Variants in FBXL2 observed in about 807,000 individuals in gnomAD.
The protein encoded by FBXL2 is F-box/LRR-repeat protein 2.
In FBXL2, 38 loss-of-function variants were observed where a neutral mutation model predicts 69.2. The observed-to-expected ratio is 0.55, with a 90% confidence interval of 0.42 to 0.72. The LOEUF is 0.72. Among genes scored for constraint, FBXL2 ranks in the 30% least tolerant of loss-of-function variants. The pLI is 0.00. For missense variants in FBXL2, 354 were observed against 520.3 expected (o/e 0.68, Z 3.11); for synonymous variants, 192 against 201.3 (o/e 0.95, Z 0.39).
chr3:33,333,567 C>G (rs1006008122), intron 2 of FBXL2, among the ~76,000 whole-genome samples: 2 of 152,118 alleles, frequency 1.3e-5, no homozygotes, highest in Non-Finnish European at 2.9e-5. Flanking sequence ...GAGCAGCAGA[C>G]AAGAGGAGGT....
chr3:33,403,854 T>C (rs1448417885), downstream of FBXL2, among the ~76,000 whole-genome samples: 1 of 152,202 alleles, frequency 6.6e-6, no homozygotes, highest in African/African-American at 2.4e-5. Flanking sequence ...TAAAAACCAA[T>C]GGATCTGAGG....
chr3:33,309,126 T>G (rs2036964497), intron 2 of FBXL2, among the ~76,000 whole-genome samples: 1 of 152,182 alleles, frequency 6.6e-6, no homozygotes, highest in Non-Finnish European at 1.5e-5. Flanking sequence ...CAATATTTCC[T>G]TATTGATTTT....
At chr3:33,280,752 C>T (rs1392950804) in intron 1 of FBXL2, among the ~76,000 whole-genome samples, 1 of 149,082 alleles carries the variant, frequency 6.7e-6, no homozygotes, top group Non-Finnish European at 1.5e-5. Flanking sequence ...AAAAAGGCAT[C>T]TAATAATTGT....
At chr3:33,342,396 G>A (rs958865131) in intron 2 of FBXL2, among the ~76,000 whole-genome samples, 13 of 151,248 alleles carry the variant, frequency 8.6e-5, no homozygotes, top group African/African-American at 2.9e-4. Context: ...TGATAAAGAA[G>A]AAAAAACATT....
chr3:33,346,862 A>G (rs1271622205), intron 2 of FBXL2, among the ~76,000 whole-genome samples: 1 of 152,178 alleles, frequency 6.6e-6, no homozygotes, highest in East Asian at 1.9e-4. Context: ...GTAAGCATAT[A>G]TATTTATGGG....
At chr3:33,278,974 C>G (rs1298851339) in intron 1 of FBXL2, among the ~76,000 whole-genome samples, 2 of 152,152 alleles carry the variant, frequency 1.3e-5, no homozygotes, top group African/African-American at 2.4e-5. Context: ...ATCCATTTTC[C>G]TTTATTTTTA....
At chr3:33,346,354 T>A (rs2040435937) in intron 2 of FBXL2, among the ~76,000 whole-genome samples, 1 of 151,898 alleles carries the variant, frequency 6.6e-6, no homozygotes, top group Non-Finnish European at 1.5e-5. Context: ...GCAGGAGGAT[T>A]GTGTGAGATC....
intron 1 of FBXL2, among the ~76,000 whole-genome samples, chr3:33,280,044 T>C (rs1260431554): frequency 6.6e-6 from 1 of 152,218 alleles, no homozygotes; most frequent in African/African-American, 2.4e-5. Context: ...ACTTAAGGTT[T>C]TTGAGCACTT....
intron 11 of FBXL2, 78 bp downstream of exon 11, chr3:33,377,411 T>C: frequency 7.2e-7 from 1 of 1,395,644 alleles, no homozygotes; most frequent in Non-Finnish European, 1.0e-6. Flanking sequence ...TGGTTTTGGG[T>C]GTGCAAAAGA....
At chr3:33,344,460 C>A (rs1473356757) in intron 2 of FBXL2, among the ~76,000 whole-genome samples, 1 of 151,688 alleles carries the variant, frequency 6.6e-6, no homozygotes, top group Non-Finnish European at 1.5e-5. Context: ...TATATTGGAA[C>A]AATACAATGG....
chr3:33,385,671 C>G lies in FBXL2; in HGVS notation c.*63C>G. On this transcript the variant is annotated 3_prime_UTR_variant, in exon 15 of 15. Transcript: ENST00000484457. The stretch of plus-strand genomic sequence containing the variant: ...TTTCCTCTAGAAGACCTGAGTCTTC[C>G]TGACCGACTCCACCATCACCCAATC... The G allele has an allele frequency of 7.9e-7, 1 of 1,269,636 alleles. No homozygotes were observed. The highest frequency in any genetic ancestry group is 1.1e-6 in the Non-Finnish European group (1 of 869,644). The allele number at this position is 1,269,636 out of a possible 1,614,324, so 78.6% of individuals were successfully genotyped here. A position where few individuals can be genotyped will look rare whatever the true frequency, so the allele number is the denominator to read the frequency against.
Position 33,375,366 on chromosome 3 carries a change from A to G in FBXL2, c.736A>G (p.Asn246Asp). The change falls in exon 10 of 15, where the codon AAC (asparagine) becomes GAC (aspartate). Residue 246 changes from asparagine to aspartate, a missense_variant. By Grantham distance (23) the Asn-to-Asp change is conservative. Transcript: ENST00000484457. ...GGCTCTCTGCCTTTCGGGTTGCAGCAACCTCACAGATGCCTCTCTTACAGC... is the reference window on the plus strand; with the variant it reads ...GGCTCTCTGCCTTTCGGGTTGCAGCGACCTCACAGATGCCTCTCTTACAGC... ...LQALCLSGCS[N>D]LTDASLTALG... 1 of 1,614,174 alleles carries G rather than the reference A, an allele frequency of 6.2e-7. No homozygotes were observed. The highest frequency in any genetic ancestry group is 1.3e-5 in the African/African-American group (1 of 75,052).
At chr3:33,416,643 ATAAAGT>A in the FBXL2 span, 1 of 777,510 alleles carries the variant, frequency 1.3e-6, no homozygotes, top group South Asian at 2.3e-5. Context: ...AATATAGCTC[ATAAAGT>A]TAAAAAGTTG....
At chr3:33,340,110 C>G (rs2039901306) in intron 2 of FBXL2, among the ~76,000 whole-genome samples, 1 of 152,088 alleles carries the variant, frequency 6.6e-6, no homozygotes, top group African/African-American at 2.4e-5. Context: ...GTGTTTACTT[C>G]TGGGAGGGGA....
chr3:33,280,050 C>A (rs749299592), intron 1 of FBXL2, among the ~76,000 whole-genome samples: 4 of 152,160 alleles, frequency 2.6e-5, no homozygotes, highest in Non-Finnish European at 5.9e-5. Context: ...GGTTTTTGAG[C>A]ACTTATAAAT....
At chr3:33,298,444 G>A (rs574727016) in intron 2 of FBXL2, among the ~76,000 whole-genome samples, 1 of 152,160 alleles carries the variant, frequency 6.6e-6, no homozygotes, top group African/African-American at 2.4e-5. Context: ...GGCTGAGGTG[G>A]GTAGATCACT....
intron 13 of FBXL2, 184 bp downstream of exon 13, chr3:33,378,925 T>C (rs770166072): frequency 9.1e-5 from 111 of 1,223,612 alleles, no homozygotes; most frequent in Non-Finnish European, 1.2e-4. Flanking sequence ...TCATTGAATT[T>C]GCAATTTTAA....
At chr3:33,413,909 T>C in the FBXL2 span, among the ~76,000 whole-genome samples, 1 of 152,130 alleles carries the variant, frequency 6.6e-6, no homozygotes, top group Non-Finnish European at 1.5e-5. Context: ...ATGCCAGTGG[T>C]TCACATCTGC....
intron 12 of FBXL2, chr3:33,396,231 T>C: frequency 6.3e-7 from 1 of 1,593,526 alleles, no homozygotes; most frequent in Non-Finnish European, 8.6e-7. Flanking sequence ...AGCACTGTGC[T>C]GCTTGGCTGC....
Sources: allele counts gnomAD v4.1 joint callset (sites outside exome capture counted in the v4.1 genomes callset), GRCh38; gene constraint gnomAD v4.1.1; transcripts MANE v1.5; gene names NCBI Gene and HGNC (gene_info 2026-07-23, HGNC 2026-07-21).